LINGO2: variants seen among roughly 807,000 people sequenced by gnomAD.
The protein encoded by LINGO2 is leucine rich repeat and Ig domain containing 2, also known as leucine-rich repeat and immunoglobulin-like domain-containing nogo receptor-interacting protein 2.
A neutral mutation model predicts 30.6 loss-of-function variants in LINGO2; 14 were observed. The ratio of observed to expected loss-of-function variants is 0.46; its 90% CI spans 0.30 to 0.72. The LOEUF (loss-of-function observed/expected upper bound fraction) is 0.72. Among genes scored for constraint, LINGO2 ranks in the 30% least tolerant of loss-of-function variants. The pLI, the probability that LINGO2 is intolerant of heterozygous loss-of-function variation, is 0.07. For missense variants in LINGO2, 729 were observed against 751.7 expected (o/e 0.97, Z 0.35); for synonymous variants, 317 against 288.5 (o/e 1.10, Z -1.00).
At chr9:27,954,682 T>A (rs2097454605) in intron 5 of LINGO2, among the ~76,000 whole-genome samples, 1 of 152,186 alleles carries the variant, frequency 6.6e-6, no homozygotes, top group African/African-American at 2.4e-5. Context: ...TTTGATATAC[T>A]GTGTATTACT....
intron 1 of LINGO2, among the ~76,000 whole-genome samples, chr9:28,665,891 CT>C (rs35393752): frequency 1.8e-3 from 237 of 132,438 alleles, no homozygotes; most frequent in East Asian, 2.6e-3. Flanking sequence ...TTTGGTGTTA[CT>C]TTTTTTTTTT....
chr9:28,760,911 CGTACGT>C, the LINGO2 span, among the ~76,000 whole-genome samples: 1 of 57,014 alleles, frequency 1.8e-5, no homozygotes, highest in East Asian at 6.3e-4. Flanking sequence ...TATGTATATA[CGTACGT>C]GTGTGTGTGT....
chr9:28,924,522 T>C, the LINGO2 span, among the ~76,000 whole-genome samples: 1 of 152,052 alleles, frequency 6.6e-6, no homozygotes, highest in Non-Finnish European at 1.5e-5. Flanking sequence ...TGCCTGGCCT[T>C]ATTCTTCCTA....
At chr9:28,099,168 AT>A (rs894118993) in intron 4 of LINGO2, among the ~76,000 whole-genome samples, 5 of 151,470 alleles carry the variant, frequency 3.3e-5, no homozygotes, top group South Asian at 2.1e-4. Flanking sequence ...CTTACAGGTG[AT>A]TTTTTTTTGG....
chr9:28,504,171 G>C (rs368082754), intron 1 of LINGO2, among the ~76,000 whole-genome samples: 1 of 151,622 alleles, frequency 6.6e-6, no homozygotes, highest in Non-Finnish European at 1.5e-5. Context: ...ACTTCAAAAA[G>C]CTAAGAAAAT....
the LINGO2 span, among the ~76,000 whole-genome samples, chr9:29,164,267 C>T: frequency 6.6e-6 from 1 of 152,122 alleles, no homozygotes; most frequent in African/African-American, 2.4e-5. Context: ...CCAAATACTG[C>T]CTAAATAGAA....
intron 4 of LINGO2, among the ~76,000 whole-genome samples, chr9:28,170,358 G>A (rs1828549114): frequency 6.6e-6 from 1 of 152,114 alleles, no homozygotes; most frequent in Admixed American, 6.5e-5. Context: ...AGCTTCCACC[G>A]GCATGTAAGA....
At chr9:28,772,219 G>A in the LINGO2 span, among the ~76,000 whole-genome samples, 4 of 152,190 alleles carry the variant, frequency 2.6e-5, no homozygotes, top group East Asian at 7.7e-4. Context: ...ATTATTATAA[G>A]TAAGTGACCT....
At chr9:28,276,782 G>C (rs569921735) in intron 4 of LINGO2, among the ~76,000 whole-genome samples, 8 of 152,066 alleles carry the variant, frequency 5.3e-5, no homozygotes, top group Admixed American at 3.9e-4. Context: ...GGGATAAAAT[G>C]CATCTATCCC....
At chr9:28,251,067 AT>A (rs1405329280) in intron 4 of LINGO2, among the ~76,000 whole-genome samples, 1 of 151,012 alleles carries the variant, frequency 6.6e-6, no homozygotes, top group Non-Finnish European at 1.5e-5. Flanking sequence ...GAAAAAAAAA[AT>A]TAATTTTCCT....
At chr9:28,310,714 T>C (rs893109463) in intron 3 of LINGO2, among the ~76,000 whole-genome samples, 3 of 152,202 alleles carry the variant, frequency 2.0e-5, no homozygotes, top group African/African-American at 7.2e-5. Flanking sequence ...GTATATGCAC[T>C]TTATTATATG....
chr9:28,093,674 T>C (rs1485020939), intron 4 of LINGO2, among the ~76,000 whole-genome samples: 1 of 152,064 alleles, frequency 6.6e-6, no homozygotes, highest in Non-Finnish European at 1.5e-5. Flanking sequence ...CTGCTTCTTC[T>C]AGTCTGAAGA....
the LINGO2 span, among the ~76,000 whole-genome samples, chr9:28,949,198 C>T: frequency 1.3e-5 from 2 of 151,896 alleles, no homozygotes; most frequent in Non-Finnish European, 2.9e-5. Flanking sequence ...ATTAAAAGAA[C>T]TAAAGAACCA....
chr9:28,673,967 A>C (rs1829124801), upstream of LINGO2, among the ~76,000 whole-genome samples: 1 of 152,080 alleles, frequency 6.6e-6, no homozygotes, highest in Non-Finnish European at 1.5e-5. Context: ...AAATAAAAAA[A>C]AAATCCATCC....
At chr9:28,429,710 A>G (rs930749598) in intron 2 of LINGO2, among the ~76,000 whole-genome samples, 2 of 152,168 alleles carry the variant, frequency 1.3e-5, no homozygotes, top group Admixed American at 6.5e-5. Context: ...CATACTCATC[A>G]CCACTAAAGT....
chr9:28,816,586 C>T, the LINGO2 span, among the ~76,000 whole-genome samples: 1 of 152,052 alleles, frequency 6.6e-6, no homozygotes, highest in East Asian at 1.9e-4. Context: ...ACTATAATAA[C>T]CATCTTTACA....
At chr9:29,072,611 T>TTA in the LINGO2 span, among the ~76,000 whole-genome samples, 2 of 140,280 alleles carry the variant, frequency 1.4e-5, no homozygotes, top group South Asian at 2.3e-4. Flanking sequence ...TGTCTCTCTT[T>TTA]GATATATATA....
chr9:28,044,792 CAT>C (rs1563939464), intron 4 of LINGO2, among the ~76,000 whole-genome samples: 5 of 151,232 alleles, frequency 3.3e-5, no homozygotes, highest in African/African-American at 1.2e-4. Flanking sequence ...CTCTCTCAGG[CAT>C]ATGTTATAAG....
intron 4 of LINGO2, among the ~76,000 whole-genome samples, chr9:28,074,209 AAGACCAACCT>A (rs1825559981): frequency 6.6e-6 from 1 of 152,204 alleles, no homozygotes; most frequent in Non-Finnish European, 1.5e-5. Flanking sequence ...CATCTATTGT[AAGACCAACCT>A]TGACTTCAGA....
Sources: allele counts gnomAD v4.1 joint callset (sites outside exome capture counted in the v4.1 genomes callset), GRCh38; gene constraint gnomAD v4.1.1; transcripts MANE v1.5; gene names NCBI Gene and HGNC (gene_info 2026-07-23, HGNC 2026-07-21).